Variants in CCSER1 observed in about 807,000 individuals in gnomAD.
CCSER1 encodes the protein coiled-coil serine rich protein 1.
Under a neutral mutation model 82.0 loss-of-function variants are expected in CCSER1, and 41 were observed. The ratio of observed to expected loss-of-function variants is 0.50; its 90% CI spans 0.39 to 0.65. CCSER1 has a LOEUF of 0.65. Among genes scored for constraint, CCSER1 ranks in the 30% least tolerant of loss-of-function variants. The pLI, the probability that CCSER1 is intolerant of heterozygous loss-of-function variation, is 0.00. For missense variants in CCSER1, 1,119 were observed against 1,064.2 expected (o/e 1.05, Z -0.72); for synonymous variants, 414 against 383.9 (o/e 1.08, Z -0.92).
intron 10 of CCSER1, among the ~76,000 whole-genome samples, chr4:91,499,459 A>G (rs527441216): frequency 6.6e-6 from 1 of 152,050 alleles, no homozygotes; most frequent in Admixed American, 6.6e-5. Flanking sequence ...GTTACCATCA[A>G]TAAACCTACT....
chr4:91,406,919 T>C (rs1303270992), intron 10 of CCSER1, among the ~76,000 whole-genome samples: 1 of 152,192 alleles, frequency 6.6e-6, no homozygotes, highest in Non-Finnish European at 1.5e-5. Flanking sequence ...TTGAATATTC[T>C]CACAACATGG....
chr4:90,376,813 T>C (rs1748397189), intron 3 of CCSER1, among the ~76,000 whole-genome samples: 1 of 152,084 alleles, frequency 6.6e-6, no homozygotes, highest in Non-Finnish European at 1.5e-5. Flanking sequence ...TCCATGGATC[T>C]CTCATACTTC....
chr4:91,393,527 ACT>A (rs1320235959), intron 10 of CCSER1, among the ~76,000 whole-genome samples: 6 of 151,830 alleles, frequency 4.0e-5, no homozygotes, highest in African/African-American at 1.2e-4. Context: ...AATTCAGAAA[ACT>A]CTCATTTCAA....
At chr4:91,553,944 G>T (rs528050874) in intron 10 of CCSER1, among the ~76,000 whole-genome samples, 5 of 150,332 alleles carry the variant, frequency 3.3e-5, no homozygotes, top group South Asian at 4.2e-4. Context: ...TTTCAGCTTG[G>T]TTTTTTCTTT....
chr4:90,651,477 G>A (rs968403380), intron 6 of CCSER1, among the ~76,000 whole-genome samples: 5 of 152,118 alleles, frequency 3.3e-5, no homozygotes, highest in African/African-American at 7.2e-5. Flanking sequence ...CTCATAAGTA[G>A]GAGTTGAACA....
chr4:91,123,514 G>A (rs530671693), intron 10 of CCSER1, among the ~76,000 whole-genome samples: 1 of 151,748 alleles, frequency 6.6e-6, no homozygotes, highest in South Asian at 2.1e-4. Context: ...AAAGCATGGG[G>A]TCAGGAAACC....
intron 1 of CCSER1, among the ~76,000 whole-genome samples, chr4:90,291,414 A>T (rs966764447): frequency 6.6e-6 from 1 of 152,034 alleles, no homozygotes; most frequent in Non-Finnish European, 1.5e-5. Flanking sequence ...TGGCCACTCA[A>T]GTCGGTCACA....
intron 7 of CCSER1, among the ~76,000 whole-genome samples, chr4:90,725,895 C>T (rs10516877): frequency 0.057 from 8,726 of 151,802 alleles, 307 homozygotes; most frequent in East Asian, 0.16. Context: ...AGCTAGGTAA[C>T]TAGAAAATAA....
At position 91,203,387 on chromosome 4, in the gene CCSER1, A is replaced by G. The variant is rs1736087450; in HGVS notation, c.2217+117393A>G. 1.3e-5 allele frequency among the ~76,000 whole-genome samples: 2 copies of G among 152,068 alleles called. 1 individual carries two copies. Among genetic ancestry groups the G allele is most frequent in the South Asian group, 4.1e-4 (2 of 4,830 alleles). ...AATTTAAAAGTTTATTGTAACCAGT[A>G]TTTATTTAACAAATGTGTATTGATT... On this transcript the variant is annotated intron_variant, in intron 10 of 10. Coordinates refer to ENST00000509176, the MANE Select transcript of CCSER1 (RefSeq NM_001145065.2).
intron 4 of CCSER1, among the ~76,000 whole-genome samples, chr4:90,456,321 G>A (rs1401473941): frequency 6.6e-6 from 1 of 152,154 alleles, no homozygotes; most frequent in African/African-American, 2.4e-5. Context: ...ACCAAGCCAA[G>A]TGCTTATTCT....
intron 10 of CCSER1, among the ~76,000 whole-genome samples, chr4:91,331,790 CT>C: frequency 6.6e-6 from 1 of 152,234 alleles, no homozygotes; most frequent in South Asian, 2.1e-4. Context: ...TTATCACAAG[CT>C]GCATGTAACA....
intron 3 of CCSER1, among the ~76,000 whole-genome samples, chr4:90,374,680 A>G (rs569869968): frequency 1.1e-3 from 164 of 152,296 alleles, no homozygotes; most frequent in African/African-American, 3.9e-3. Flanking sequence ...ATCATTGGAC[A>G]ATTGACCTCC....
intron 1 of CCSER1, among the ~76,000 whole-genome samples, chr4:90,199,949 G>C (rs1737343164): frequency 6.6e-6 from 1 of 151,834 alleles, no homozygotes; most frequent in Non-Finnish European, 1.5e-5. Context: ...AAGAGTTAAG[G>C]TTCCAATTTA....
At chr4:91,570,971 A>G (rs1763147460) in intron 10 of CCSER1, among the ~76,000 whole-genome samples, 1 of 152,122 alleles carries the variant, frequency 6.6e-6, no homozygotes, top group African/African-American at 2.4e-5. Flanking sequence ...GATACTCTAA[A>G]TCATCTCTCT....
At chr4:90,307,636 C>T (rs1345158517) in intron 1 of CCSER1, among the ~76,000 whole-genome samples, 1 of 150,868 alleles carries the variant, frequency 6.6e-6, no homozygotes, top group African/African-American at 2.4e-5. Context: ...TACCTTAGAA[C>T]TTAAAGCATA....
At chr4:90,698,925 T>A (rs961393200) in intron 6 of CCSER1, among the ~76,000 whole-genome samples, 7 of 152,066 alleles carry the variant, frequency 4.6e-5, no homozygotes, top group Admixed American at 4.6e-4. Flanking sequence ...GGCAACATAG[T>A]GGGACTCCAT....
chr4:90,989,486 G>A (rs1419910323), intron 9 of CCSER1, among the ~76,000 whole-genome samples: 4 of 151,656 alleles, frequency 2.6e-5, no homozygotes, highest in South Asian at 2.1e-4. Context: ...GAAAAAATAG[G>A]TAAAGTAAGC....
chr4:91,574,050 G>A (rs57887478), intron 10 of CCSER1, among the ~76,000 whole-genome samples: 1,660 of 151,840 alleles, frequency 0.011, 20 homozygotes, highest in African/African-American at 0.028. Flanking sequence ...TCCATTGATT[G>A]GAATAATTAA....
At chr4:91,500,276 T>G (rs1759139094) in intron 10 of CCSER1, among the ~76,000 whole-genome samples, 1 of 152,114 alleles carries the variant, frequency 6.6e-6, no homozygotes, top group Non-Finnish European at 1.5e-5. Flanking sequence ...TCCTCTTTTA[T>G]GAGTTATCTC....
Sources: allele counts gnomAD v4.1 joint callset (sites outside exome capture counted in the v4.1 genomes callset), GRCh38; gene constraint gnomAD v4.1.1; transcripts MANE v1.5; gene names NCBI Gene and HGNC (gene_info 2026-07-23, HGNC 2026-07-21).